Variants in PTPN18 observed in about 807,000 individuals in gnomAD.
PTPN18 encodes the protein protein tyrosine phosphatase non-receptor type 18.
In PTPN18, 65 loss-of-function variants were observed where a neutral mutation model predicts 65.4. The ratio of observed to expected loss-of-function variants is 0.99; its 90% CI spans 0.81 to 1.22. PTPN18 has a LOEUF of 1.22. Ranked by LOEUF, PTPN18 falls within the 50% of genes most tolerant of loss-of-function variation. PTPN18 has a pLI of 0.00. For missense variants in PTPN18, 616 were observed against 646.5 expected (o/e 0.95, Z 0.51); for synonymous variants, 255 against 267.8 (o/e 0.95, Z 0.47).
rs1680630996 is a variant in PTPN18 at position 130,373,009 on chromosome 2, G to A, written c.1315+62G>A. The A allele has an allele frequency of 6.3e-7, 1 of 1,597,916 alleles. No individual in the cohort carries two copies. The highest frequency in any genetic ancestry group is 8.6e-7 in the Non-Finnish European group (1 of 1,165,782). Reference sequence around the variant, plus strand: ...TGCTTTGAGTGAACCCAGGAGTCTGGGGTTGATGGGGCATGGAGCTTAGTC... The same window carrying A: ...TGCTTTGAGTGAACCCAGGAGTCTGAGGTTGATGGGGCATGGAGCTTAGTC... On this transcript the variant is annotated intron_variant, in intron 14 of 14. Transcript: ENST00000175756. This position sits in a 1 kb window ranked among gnomAD's most constrained non-coding sequence, Gnocchi z 4.1.
chr2:130,359,951 C>T lies in PTPN18; in HGVS notation c.414+305C>T, dbSNP rs147501045. 25 of 421,688 alleles carry T rather than the reference C, an allele frequency of 5.9e-5. 1 individual carries two copies. The highest frequency in any genetic ancestry group is 2.8e-4 in the African/African-American group (14 of 50,124). 26.1% of individuals were successfully genotyped at this position (421,688 alleles called of 1,614,324 possible). On this transcript the variant is annotated intron_variant, in intron 5 of 14. Coordinates refer to ENST00000175756, the MANE Select transcript of PTPN18 (RefSeq NM_014369.4). Reference sequence around the variant, plus strand: ...ACCTCTCTTCCCTTTATTCACTCCACTCTAACAACTCTGGTCTCTGCTGTT... The same window carrying T: ...ACCTCTCTTCCCTTTATTCACTCCATTCTAACAACTCTGGTCTCTGCTGTT...
intron 1 of PTPN18, chr2:130,356,715 G>A (rs1202176819): frequency 1.8e-5 from 8 of 439,820 alleles, no homozygotes; most frequent in Non-Finnish European, 3.9e-5. Context: ...TCCCGAATCC[G>A]CGTCCCGGCC....
Position 130,373,327 on chromosome 2 carries a change from A to G in PTPN18, c.*103A>G. On this transcript the variant is annotated 3_prime_UTR_variant, in exon 15 of 15. Transcript: ENST00000175756. The surrounding 1 kb of genome is among the most constrained non-coding windows in gnomAD (Gnocchi z 4.1). ...AGAATGGAAACAGTGGGCCTGGATCAAAGTTAAAGTTTCTCAGGGTGGGAA... is the reference window on the plus strand; with the variant it reads ...AGAATGGAAACAGTGGGCCTGGATCGAAGTTAAAGTTTCTCAGGGTGGGAA... 8.4e-7 allele frequency: 1 copy of G among 1,187,666 alleles called. No homozygotes were observed. The highest frequency in any genetic ancestry group is 1.2e-6 in the Non-Finnish European group (1 of 869,190). The allele number at this position is 1,187,666 out of a possible 1,614,324, so 73.6% of individuals were successfully genotyped here.
chr2:130,358,405 A>G (rs1680062233), intron 1 of PTPN18, among the ~76,000 whole-genome samples: 1 of 152,218 alleles, frequency 6.6e-6, no homozygotes, highest in Admixed American at 6.5e-5. Flanking sequence ...CATTCATTGT[A>G]CATTGTCTTA....
intron 13 of PTPN18, 153 bp from the exon 14 acceptor site, chr2:130,372,719 AG>A: frequency 3.9e-6 from 4 of 1,022,168 alleles, no homozygotes; most frequent in Non-Finnish European, 5.6e-6. Flanking sequence ...CCGCGCCCAA[AG>A]GCTGGAGGCC....
intron 5 of PTPN18, among the ~76,000 whole-genome samples, chr2:130,364,249 C>T (rs1680316185): frequency 6.6e-6 from 1 of 152,190 alleles, no homozygotes; most frequent in Admixed American, 6.5e-5. Flanking sequence ...CAGGTAACCT[C>T]TATTCTCCTT....
rs777500587 is a variant in PTPN18, at chr2:130,372,827, C to A, written c.1241-46C>A. On this transcript the variant is annotated intron_variant, in intron 13 of 14. Coordinates refer to ENST00000175756, the MANE Select transcript of PTPN18 (RefSeq NM_014369.4). ...CCGCTAGGGGTGGGGTCTTGGGACT[C>A]CCTGGGGCTTCCGGAGCTGACCCGT... 24 of 1,607,110 alleles carry A rather than the reference C, an allele frequency of 1.5e-5. No homozygotes were observed. In the African/African-American group the frequency reaches 2.0e-4, roughly 13 times the overall value.
At chr2:130,368,878 T>C (rs144201339) in intron 5 of PTPN18, 18 of 360,970 alleles carry the variant, frequency 5.0e-5, no homozygotes, top group Middle Eastern at 7.3e-4. Flanking sequence ...CTCATGTATT[T>C]TGTCCAGTTT....
rs766297942 is a variant in PTPN18, at chr2:130,369,745, G to A, written c.484-20G>A. 1 of 1,556,532 alleles carries A rather than the reference G, an allele frequency of 6.4e-7. No homozygotes were observed. Among genetic ancestry groups the A allele is most frequent in the Non-Finnish European group, 8.8e-7 (1 of 1,136,078 alleles). On this transcript the variant is annotated intron_variant, in intron 6 of 14. Transcript: ENST00000175756. ...TTTGTTCTCCTCCCTCTTCTTACTT[G>A]CCCCACCCCCCTTACTCAGATAAAG...
chr2:130,361,744 C>T (rs552458232), intron 5 of PTPN18, among the ~76,000 whole-genome samples: 10 of 152,020 alleles, frequency 6.6e-5, no homozygotes, highest in South Asian at 2.1e-4. Context: ...CCTGCCACCA[C>T]GCCCAGCTAA....
At chr2:130,369,693 TATAA>T in intron 6 of PTPN18, 68 bp from the exon 7 acceptor site, 1 of 1,437,814 alleles carries the variant, frequency 7.0e-7, no homozygotes. Flanking sequence ...CTTTGCTTTC[TATAA>T]ATGTCTTCTG....
chr2:130,357,028 TA>T (rs1679996799), intron 1 of PTPN18, among the ~76,000 whole-genome samples: 2 of 152,026 alleles, frequency 1.3e-5, no homozygotes, highest in South Asian at 2.1e-4. Flanking sequence ...CCGTCTCTAC[TA>T]AAAATACAAA....
intron 5 of PTPN18, 88 bp from the exon 6 acceptor site, chr2:130,369,045 A>C: frequency 8.9e-7 from 1 of 1,128,880 alleles, no homozygotes; most frequent in Non-Finnish European, 1.3e-6. Flanking sequence ...CACCACGAGC[A>C]CCTGGGGTGT....
rs143838870 is a variant in PTPN18 at position 130,370,760 on chromosome 2, G to A, written c.812G>A (p.Arg271Gln). ...FDVVLKMRKQ[R>Q]PAAVQTEEQY... ...GTGGTCCTTAAGATGAGGAAGCAGC[G>A]GCCTGCGGCCGTGCAGACAGAGGTG... The change falls in exon 10 of 15, where the codon CGG (arginine) becomes CAG (glutamine). Residue 271 changes from arginine to glutamine, a missense_variant. Coordinates refer to ENST00000175756, the MANE Select transcript of PTPN18 (RefSeq NM_014369.4). 4.8e-5 allele frequency: 77 copies of A among 1,614,160 alleles called. No individual in the cohort carries two copies. The highest frequency in any genetic ancestry group is 1.7e-4 in the Middle Eastern group (1 of 6,060).
At chr2:130,364,482 T>TG (rs1309700266) in intron 5 of PTPN18, among the ~76,000 whole-genome samples, 4 of 152,202 alleles carry the variant, frequency 2.6e-5, no homozygotes, top group Non-Finnish European at 2.9e-5. Flanking sequence ...TTTTGACTAT[T>TG]GTAAATAAGG....
intron 5 of PTPN18, among the ~76,000 whole-genome samples, chr2:130,363,576 A>T (rs6713511): frequency 6.6e-6 from 1 of 152,148 alleles, no homozygotes; most frequent in Admixed American, 6.5e-5. Context: ...TGGACATTTC[A>T]TATAATTGAA....
chr2:130,365,379 A>G (rs1462331508), intron 5 of PTPN18, among the ~76,000 whole-genome samples: 2 of 152,112 alleles, frequency 1.3e-5, no homozygotes, highest in Admixed American at 6.5e-5. Flanking sequence ...GTCCATTTGT[A>G]TATCTTCTCT....
chr2:130,372,671 C>T (rs555205937), intron 13 of PTPN18, 188 bp downstream of exon 13: 38 of 971,128 alleles, frequency 3.9e-5, no homozygotes, highest in African/African-American at 3.8e-4. Flanking sequence ...GTCGCAGTCG[C>T]GGTCCAGGGG....
In PTPN18 at chr2:130,373,548, G is replaced by A. The variant is rs1002385052; in HGVS notation, c.*324G>A. The A allele has an allele frequency of 1.8e-4, 40 of 219,728 alleles. No individual in the cohort carries two copies. The highest frequency in any genetic ancestry group is 1.8e-5 in the Non-Finnish European group (2 of 112,412). The allele number at this position is 219,728 out of a possible 1,614,324, so 13.6% of individuals were successfully genotyped here. On this transcript the variant is annotated 3_prime_UTR_variant, in exon 15 of 15. Transcript: ENST00000175756. This position sits in a 1 kb window ranked among gnomAD's most constrained non-coding sequence, Gnocchi z 4.1. Reference sequence around the variant, plus strand: ...CTGCTCTCCTCACCACACAGCACTAGTCCATCCTCAGCACCTGAGCCTCCC... The same window carrying A: ...CTGCTCTCCTCACCACACAGCACTAATCCATCCTCAGCACCTGAGCCTCCC...
Sources: gnomAD v4.1 joint callset for allele counts (sites outside exome capture counted in the v4.1 genomes callset) on GRCh38, gnomAD v4.1.1 for gene constraint, Gnocchi (gnomAD v3.1) non-coding constraint, MANE v1.5 for transcripts, NCBI Gene and HGNC (gene_info 2026-07-23, HGNC 2026-07-21) for gene names.